The following CAND2 variants were observed in gnomAD, a reference collection of about 807,000 sequenced individuals.
The protein encoded by CAND2 is cullin associated and neddylation dissociated 2 (putative).
In CAND2, 62 loss-of-function variants were observed where a neutral mutation model predicts 98.9. The ratio of observed to expected loss-of-function variants is 0.63; its 90% CI spans 0.51 to 0.77. The LOEUF (loss-of-function observed/expected upper bound fraction) is 0.77. Ranked by LOEUF, CAND2 falls within the 30% of genes least tolerant of loss-of-function variation. CAND2 has a pLI of 0.00. For synonymous variants in CAND2, 770 were observed against 731.9 expected, an observed-to-expected ratio of 1.05 and a Z score of -0.84; for missense variants, 1,501 against 1,655.2, an observed-to-expected ratio of 0.91 and a Z score of 1.62.
intron 14 of CAND2, among the ~76,000 whole-genome samples, chr3:12,833,082 CACAGGACTCTGCA>C (rs1242506522): frequency 1.3e-5 from 2 of 152,182 alleles, no homozygotes; most frequent in Non-Finnish European, 2.9e-5. Context: ...GCCATTTGAA[CACAGGACTCTGCA>C]ACTCCAATGC....
At chr3:12,820,315 C>T (rs1290123595) in intron 11 of CAND2, 134 bp downstream of exon 11, 3 of 616,474 alleles carry the variant, frequency 4.9e-6, no homozygotes, top group Non-Finnish European at 5.6e-6. Flanking sequence ...GGCAGCAGGG[C>T]CTGGCCCTCC....
chr3:12,798,737 C>T (rs1219772633), intron 1 of CAND2, among the ~76,000 whole-genome samples: 1 of 152,168 alleles, frequency 6.6e-6, no homozygotes, highest in East Asian at 1.9e-4. Flanking sequence ...TGCCAGTGGC[C>T]TGGAGAACAC....
rs201715663 is a variant in CAND2, at chr3:12,817,348, C to T, written c.2416C>T (p.Arg806Trp). 466 of 1,613,898 alleles carry T rather than the reference C, an allele frequency of 2.9e-4. 1 individual carries two copies. Among genetic ancestry groups the T allele is most frequent in the Non-Finnish European group, 3.7e-4 (438 of 1,180,034 alleles). Reference protein sequence around the residue: ...LHKQVFHSLARCVAALSAACP... With the variant: ...LHKQVFHSLAWCVAALSAACP... ...CAAGCAGGTGTTCCACTCATTGGCC[C>T]GGTGTGTGGCAGCCCTCTCAGCTGC... is the stretch of plus-strand genomic sequence containing the variant. Residue 806 changes from arginine to tryptophan, a missense_variant, in exon 10 of 15, where the codon CGG becomes TGG. Coordinates refer to ENST00000456430, the MANE Select transcript of CAND2 (RefSeq NM_001162499.2).
At chr3:12,812,262 C>A (rs2061858276) in intron 5 of CAND2, among the ~76,000 whole-genome samples, 1 of 105,716 alleles carries the variant, frequency 9.5e-6, no homozygotes, top group African/African-American at 3.8e-5. Context: ...CTCGCTCTGT[C>A]CCCCAGGCTG....
intron 14 of CAND2, 30 bp from the exon 15 acceptor site, chr3:12,833,725 G>T: frequency 6.3e-7 from 1 of 1,582,354 alleles, no homozygotes; most frequent in Non-Finnish European, 8.7e-7. Context: ...CTCAATAAAG[G>T]ATGGCTGCTT....
Position 12,807,414 on chromosome 3 carries a change from C to T in CAND2, c.321C>T (p.Gly107=). 11 of 1,551,730 alleles carry T rather than the reference C, an allele frequency of 7.1e-6. No individual in the cohort carries two copies. The highest frequency in any genetic ancestry group is 9.6e-6 in the Non-Finnish European group (11 of 1,146,992). Reference sequence around the variant, plus strand: ...AGGAGCAGCTGCGAGACATTGCCGGCATTGGCCTCAAGACCGTCCTCTCGG... The same window carrying T: ...AGGAGCAGCTGCGAGACATTGCCGGTATTGGCCTCAAGACCGTCCTCTCGG... ...SDKEQLRDIA[G]IGLKTVLSEL... Residue 107 remains glycine (G), a synonymous_variant, in exon 3 of 15, where the codon GGC becomes GGT. Coordinates refer to ENST00000456430, the MANE Select transcript of CAND2 (RefSeq NM_001162499.2).
rs1303617928 is a variant in CAND2 at position 12,807,288 on chromosome 3, T to G, written c.213-18T>G. The G allele has an allele frequency of 1.3e-6, 2 of 1,549,124 alleles. No individual in the cohort carries two copies. Among genetic ancestry groups the G allele is most frequent in the Non-Finnish European group, 1.7e-6 (2 of 1,145,186 alleles). On this transcript the variant is annotated intron_variant, in intron 2 of 14. Transcript: ENST00000456430. The stretch of plus-strand genomic sequence containing the variant: ...TGAACCTTGTGCCCTTGGATTCACC[T>G]TCCCACTCCCTGCTCAGCCTGGGTC...
At position 12,810,277 on chromosome 3, in the gene CAND2, T is replaced by C; in HGVS notation, c.710T>C (p.Leu237Pro). 1 of 1,495,178 alleles carries C rather than the reference T, an allele frequency of 6.7e-7. No homozygotes were observed. Among genetic ancestry groups the C allele is most frequent in the Non-Finnish European group, 8.9e-7 (1 of 1,122,116 alleles). The allele number at this position is 1,495,178 out of a possible 1,614,324, so 92.6% of individuals were successfully genotyped here. The change falls in exon 5 of 15, where the codon CTG becomes CCG. Residue 237 changes from leucine (L) to proline (P), a missense_variant. Coordinates refer to ENST00000456430, the MANE Select transcript of CAND2 (RefSeq NM_001162499.2). ...ACCAGCCCGACTGCCATCCGCACCC[T>C]GATCCAATGTTTGGGCAGCGTCGGC... ...VPTSPTAIRTLIQCLGSVGRQ... is the reference protein window; with the variant it reads ...VPTSPTAIRTPIQCLGSVGRQ...
At chr3:12,830,155 C>T (rs1466855796) in intron 13 of CAND2, among the ~76,000 whole-genome samples, 3 of 152,148 alleles carry the variant, frequency 2.0e-5, no homozygotes, top group Non-Finnish European at 4.4e-5. Context: ...GTCTCCCCCT[C>T]GGCTTTATTA....
intron 9 of CAND2, 128 bp downstream of exon 9, chr3:12,816,136 G>A: frequency 9.9e-7 from 1 of 1,012,580 alleles, no homozygotes. Context: ...CCCTGGTCAA[G>A]AGTCTCCAGT....
intron 1 of CAND2, among the ~76,000 whole-genome samples, chr3:12,803,012 C>A (rs1351298286): frequency 1.6e-5 from 2 of 123,962 alleles, no homozygotes; most frequent in Non-Finnish European, 1.6e-5. Context: ...TTTTTGGAGA[C>A]GGAGTCTCTC....
intron 1 of CAND2, among the ~76,000 whole-genome samples, chr3:12,798,208 T>C (rs2061740962): frequency 6.6e-6 from 1 of 152,118 alleles, no homozygotes. Context: ...TCTGTGCACA[T>C]CCAAAATCTG....
chr3:12,832,029 G>A (rs998101631), intron 14 of CAND2, among the ~76,000 whole-genome samples: 2 of 152,216 alleles, frequency 1.3e-5, no homozygotes, highest in African/African-American at 2.4e-5. Flanking sequence ...TGGGGTGCAA[G>A]CCCTCATGGA....
At chr3:12,799,885 C>T (rs1575761650) in intron 1 of CAND2, among the ~76,000 whole-genome samples, 2 of 151,942 alleles carry the variant, frequency 1.3e-5, no homozygotes, top group African/African-American at 2.4e-5. Flanking sequence ...TGAGCTGGGA[C>T]ATTTGAGCTG....
intron 13 of CAND2, among the ~76,000 whole-genome samples, chr3:12,830,432 C>T (rs1305971295): frequency 2.0e-5 from 3 of 152,202 alleles, no homozygotes; most frequent in Non-Finnish European, 4.4e-5. Flanking sequence ...TGTGGGGCTA[C>T]TGACCCCAGG....
chr3:12,817,880 G>A lies in CAND2; in HGVS notation c.2944+4G>A. ...TTGCGGAAGCAGCTTGCTGCAGGTA[G>A]GCACACAGGTGTGGGCAAGGCAGCC... On this transcript the variant is annotated splice_donor_region_variant and intron_variant, in intron 10 of 14. Coordinates refer to ENST00000456430, the MANE Select transcript of CAND2 (RefSeq NM_001162499.2). The A allele has an allele frequency of 6.6e-7, 1 of 1,504,872 alleles. No homozygotes were observed. The highest frequency in any genetic ancestry group is 8.9e-7 in the Non-Finnish European group (1 of 1,126,416). 93.2% of individuals were successfully genotyped at this position (1,504,872 alleles called of 1,614,324 possible).
rs1234562485 is a variant in CAND2 at position 12,817,850 on chromosome 3, C to T, written c.2918C>T (p.Pro973Leu). ...CTTGTGAACCCTTCGTTCCTTCTGC[C>T]CCGCTTGCGGAAGCAGCTTGCTGCA... is the stretch of plus-strand genomic sequence containing the variant. ...LVLVNPSFLL[P>L]RLRKQLAAGR... is the part of the protein sequence containing the mutation. Residue 973 changes from proline to leucine, a missense_variant, in exon 10 of 15, where the codon CCC (proline) becomes CTC (leucine). This residue lies in a region of CAND2 where 1,427 missense variants were observed against 1,545.3 expected (regional missense o/e 0.92). Coordinates refer to ENST00000456430, the MANE Select transcript of CAND2 (RefSeq NM_001162499.2). The T allele has an allele frequency of 6.6e-7, 1 of 1,506,860 alleles. No individual in the cohort carries two copies. Among genetic ancestry groups the T allele is most frequent in the African/African-American group, 1.4e-5 (1 of 71,462 alleles). The allele number at this position is 1,506,860 out of a possible 1,614,324, so 93.3% of individuals were successfully genotyped here.
In CAND2 at chr3:12,817,722, G is replaced by A. The variant is rs1003986376; in HGVS notation, c.2790G>A (p.Leu930=). Residue 930 remains leucine (L), a synonymous_variant, in exon 10 of 15, where the codon CTG becomes CTA. Transcript: ENST00000456430. ...EALGAAQPDS[L]KPYAEDIWAL... Reference sequence around the variant, plus strand: ...TGGGGGCCGCCCAGCCTGACAGCCTGAAGCCCTACGCCGAGGACATCTGGG... The same window carrying A: ...TGGGGGCCGCCCAGCCTGACAGCCTAAAGCCCTACGCCGAGGACATCTGGG... 6.3e-7 allele frequency: 1 copy of A among 1,592,370 alleles called. No homozygotes were observed. Among genetic ancestry groups the A allele is most frequent in the South Asian group, 1.1e-5 (1 of 87,294 alleles).
Position 12,816,401 on chromosome 3 carries a change from C to T in CAND2, c.1469C>T (p.Ser490Phe), listed in dbSNP as rs1185561299. The T allele has an allele frequency of 6.2e-7, 1 of 1,613,328 alleles. No individual in the cohort carries two copies. The highest frequency in any genetic ancestry group is 8.5e-7 in the Non-Finnish European group (1 of 1,179,810). The change falls in exon 10 of 15, where the codon TCC becomes TTC. Residue 490 changes from serine to phenylalanine, a missense_variant. Coordinates refer to ENST00000456430, the MANE Select transcript of CAND2 (RefSeq NM_001162499.2). Reference sequence around the variant, plus strand: ...ATCATCTTCTCGCTGGCCGACCGCTCCAGCTCCTCCACCATCCGGATGGAT... The same window carrying T: ...ATCATCTTCTCGCTGGCCGACCGCTTCAGCTCCTCCACCATCCGGATGGAT... ...SGIIFSLADRSSSSTIRMDAL... is the reference protein window; with the variant it reads ...SGIIFSLADRFSSSTIRMDAL...
Sources: gnomAD v4.1 joint callset for allele counts (sites outside exome capture counted in the v4.1 genomes callset) on GRCh38, gnomAD v4.1.1 for gene constraint, gnomAD v4.1.1 regional missense constraint, MANE v1.5 for transcripts, NCBI Gene and HGNC (gene_info 2026-07-23, HGNC 2026-07-21) for gene names.